The following RASSF3 variants were observed in gnomAD, a reference collection of about 807,000 sequenced individuals.
RASSF3 encodes ras association domain-containing protein 3.
Under a neutral mutation model 19.9 loss-of-function variants are expected in RASSF3, and 19 were observed. The ratio of observed to expected loss-of-function variants is 0.96; its 90% CI spans 0.67 to 1.40. The LOEUF is 1.40. Among genes scored for constraint, RASSF3 ranks in the 40% most tolerant of loss-of-function variants. The probability of loss-of-function intolerance (pLI) is 0.00; values close to 1 mark genes in which losing one functional copy is unlikely to be tolerated. For missense variants in RASSF3, 306 were observed against 289.8 expected (o/e 1.06, Z -0.41); for synonymous variants, 110 against 104.2 (o/e 1.06, Z -0.34).
chr12:64,509,157 A>G (rs1343184633), intron 1 of RASSF3, among the ~76,000 whole-genome samples: 1 of 152,118 alleles, frequency 6.6e-6, no homozygotes, highest in African/African-American at 2.4e-5. Context: ...CATTTTAAAG[A>G]TAAGCAAAAA....
At chr12:64,511,602 C>A (rs1273726420) in intron 1 of RASSF3, among the ~76,000 whole-genome samples, 1 of 152,178 alleles carries the variant, frequency 6.6e-6, no homozygotes, top group East Asian at 1.9e-4. Context: ...TGCTCCAGGG[C>A]ACTTTGGGGT....
chr12:64,639,512 A>G (rs1028829396), intron 1 of RASSF3, among the ~76,000 whole-genome samples: 2 of 152,170 alleles, frequency 1.3e-5, no homozygotes, highest in African/African-American at 2.4e-5. Context: ...TTAAACCATC[A>G]TGTCTCAAAG....
At chr12:64,605,303 G>T (rs962349675) in intron 2 of RASSF3, among the ~76,000 whole-genome samples, 5 of 151,852 alleles carry the variant, frequency 3.3e-5, no homozygotes, top group African/African-American at 7.3e-5. Flanking sequence ...ATTTTTGAGA[G>T]AAATTTTAGA....
At chr12:64,623,675 C>T (rs1211471753) in intron 1 of RASSF3, among the ~76,000 whole-genome samples, 2 of 152,070 alleles carry the variant, frequency 1.3e-5, no homozygotes, top group Admixed American at 1.3e-4. Context: ...TGGAGTCTCA[C>T]TCTGTCACCC....
At chr12:64,628,100 C>T (rs1307584774) in intron 1 of RASSF3, among the ~76,000 whole-genome samples, 2 of 151,948 alleles carry the variant, frequency 1.3e-5, no homozygotes, top group African/African-American at 4.8e-5. Context: ...TATTTCTTTT[C>T]CAAAAGAGGG....
chr12:64,588,252 G>C (rs1441234476), intron 2 of RASSF3, among the ~76,000 whole-genome samples: 1 of 152,126 alleles, frequency 6.6e-6, no homozygotes, highest in Admixed American at 6.6e-5. Flanking sequence ...GATTAGAAAA[G>C]TGAATTCTTG....
At chr12:64,543,416 C>CACGCT (rs1868977869), downstream of RASSF3, among the ~76,000 whole-genome samples, 1 of 95,930 alleles carries the variant, frequency 1.0e-5, no homozygotes, top group African/African-American at 4.0e-5. Flanking sequence ...AGTTTCCCGC[C>CACGCT]CCCCGGCTCC....
chr12:64,694,824 AT>A lies in RASSF3; in HGVS notation c.630del (p.Asp210GlufsTer7). The A allele has an allele frequency of 1.2e-6, 2 of 1,614,238 alleles. No homozygotes were observed. The highest frequency in any genetic ancestry group is 1.7e-6 in the Non-Finnish European group (2 of 1,180,026). ...TTGCGCATCTTGGACAAGGAAGAAG[AT>A]GAACAGCTGCAGAACCTGAAGAGGC... ...NFLRILDKEE[D>X]EQLQNLKRRY... On this transcript the variant is annotated frameshift_variant, in exon 5 of 5. Coordinates refer to ENST00000542104, the MANE Select transcript of RASSF3 (RefSeq NM_178169.4). LOFTEE classifies it low-confidence loss of function (END_TRUNC).
chr12:64,623,181 A>G (rs1238621145), intron 1 of RASSF3, among the ~76,000 whole-genome samples: 1 of 152,178 alleles, frequency 6.6e-6, no homozygotes, highest in Non-Finnish European at 1.5e-5. Context: ...TTTGCCAGCA[A>G]AGTCATAGGA....
At position 64,589,729 on chromosome 12, in the gene RASSF3, G is replaced by A. The variant is rs550133707; in HGVS notation, c.294+48024G>A. 1.4e-4 allele frequency among the ~76,000 whole-genome samples: 21 copies of A among 152,160 alleles called. No homozygotes were observed. The East Asian group carries it at 4.1e-3, about 29-fold the overall frequency. On this transcript the variant is annotated intron_variant, in intron 2 of 5. Transcript: ENST00000637125. ...GCTTGAGTTTGAGACCTGGCTGGGT[G>A]TGGTAGCTCATGCCTGTAATCCTAG...
chr12:64,564,928 G>A (rs1869404387), intron 2 of RASSF3, among the ~76,000 whole-genome samples: 1 of 151,736 alleles, frequency 6.6e-6, no homozygotes, highest in African/African-American at 2.4e-5. Flanking sequence ...CAACAGGCAT[G>A]CATCACCATG....
intron 1 of RASSF3, among the ~76,000 whole-genome samples, chr12:64,641,463 G>A (rs1198256082): frequency 2.1e-5 from 3 of 144,422 alleles, no homozygotes. Flanking sequence ...GGACGTGGGG[G>A]ACTAGACCTG....
At chr12:64,563,975 A>G (rs1869388694) in intron 2 of RASSF3, among the ~76,000 whole-genome samples, 1 of 152,182 alleles carries the variant, frequency 6.6e-6, no homozygotes, top group African/African-American at 2.4e-5. Flanking sequence ...TCATAGCTGC[A>G]TCCCTAGCAC....
At chr12:64,525,127 T>G (rs1331917290) in intron 1 of RASSF3, among the ~76,000 whole-genome samples, 3 of 151,926 alleles carry the variant, frequency 2.0e-5, no homozygotes, top group Non-Finnish European at 2.9e-5. Flanking sequence ...AATACAAAAA[T>G]TAGCCAGGCG....
At chr12:64,561,481 G>C (rs756129287) in intron 2 of RASSF3, among the ~76,000 whole-genome samples, 18 of 152,064 alleles carry the variant, frequency 1.2e-4, no homozygotes, top group Non-Finnish European at 2.1e-4. Context: ...CCTGCATCAT[G>C]ACAAACAAAA....
chr12:64,565,998 C>T (rs576259223), intron 2 of RASSF3, among the ~76,000 whole-genome samples: 89 of 151,928 alleles, frequency 5.9e-4, no homozygotes, highest in African/African-American at 2.1e-3. Context: ...TTTGGGAGTT[C>T]GAGACCAGCC....
rs541530710 is a variant in RASSF3, at chr12:64,635,193, A to G, written c.111+24450A>G. ...GGTCTCAAGCTCCTGAGTTCAAGCA[A>G]TCCATCTGCTTCAGCCTCCCAAAAT... On this transcript the variant is annotated intron_variant, in intron 1 of 4. Transcript: ENST00000542104. 9.2e-5 allele frequency among the ~76,000 whole-genome samples: 14 copies of G among 152,020 alleles called. 1 individual carries two copies. Among genetic ancestry groups the G allele is most frequent in the South Asian group, 6.2e-4 (3 of 4,834 alleles).
chr12:64,614,015 A>G (rs1246454323), intron 1 of RASSF3, among the ~76,000 whole-genome samples: 1 of 152,074 alleles, frequency 6.6e-6, no homozygotes. Context: ...TTTGAATGTC[A>G]TGTTTATTGT....
At chr12:64,693,408 GT>G (rs1868312967) in intron 4 of RASSF3, among the ~76,000 whole-genome samples, 1 of 145,884 alleles carries the variant, frequency 6.9e-6, no homozygotes, top group Non-Finnish European at 1.5e-5. Flanking sequence ...TTTAAAATCT[GT>G]TTTAATTTTT....
Sources: gnomAD v4.1 joint callset for allele counts (sites outside exome capture counted in the v4.1 genomes callset) on GRCh38, gnomAD v4.1.1 for gene constraint, MANE v1.5 for transcripts, NCBI Gene and HGNC (gene_info 2026-07-23, HGNC 2026-07-21) for gene names.